The following XPA variants were observed in gnomAD, a reference collection of about 807,000 sequenced individuals.
XPA encodes XPA, DNA damage recognition and repair factor, also known as DNA repair protein complementing XP-A cells.
XPA carries 27 observed loss-of-function variants against 35.7 expected under a neutral mutation model. The ratio of observed to expected loss-of-function variants is 0.76; its 90% CI spans 0.56 to 1.04. The LOEUF is 1.04. Among genes scored for constraint, XPA ranks in the 50% least tolerant of loss-of-function variants. The pLI is 0.00. For synonymous variants in XPA, 133 were observed against 118.4 expected (o/e 1.12, Z -0.80); for missense variants, 354 against 342.7 (o/e 1.03, Z -0.26).
the XPA span, chr9:97,662,943 A>G: frequency 1.3e-6 from 2 of 1,591,496 alleles, no homozygotes; most frequent in Non-Finnish European, 1.7e-6. Context: ...TTTTCCCATC[A>G]TTATCAAAAG....
At chr9:97,657,953 AG>A in the XPA span, among the ~76,000 whole-genome samples, 6,267 of 133,034 alleles carry the variant, frequency 0.047, 206 homozygotes, top group Middle Eastern at 0.077. Flanking sequence ...TAACGTCCCC[AG>A]CCATTCATTG....
chr9:97,682,562 T>C (rs1828579581), intron 5 of XPA: 1 of 438,840 alleles, frequency 2.3e-6, no homozygotes, highest in South Asian at 1.7e-5. Flanking sequence ...AGTAAAACAT[T>C]TCTATTTACA....
At chr9:97,688,083 T>C (rs1258934821) in intron 3 of XPA, among the ~76,000 whole-genome samples, 1 of 152,182 alleles carries the variant, frequency 6.6e-6, no homozygotes, top group Non-Finnish European at 1.5e-5. Context: ...GACTATATGG[T>C]ACTAAAACTA....
rs142874921 is a variant in XPA, at chr9:97,686,386, G to A, written c.555+710C>T. Among the ~76,000 whole-genome samples the A allele has an allele frequency of 3.3e-3, 508 of 152,254 alleles. 1 individual carries two copies. The highest frequency in any genetic ancestry group is 0.012 in the African/African-American group (483 of 41,532). ...CATCTGCAGCAAGTGGAGTTGAGAC[G>A]ATCTGCTCTGAGATTATAGAGCTAT... On this transcript the variant is annotated intron_variant, in intron 4 of 5. Coordinates refer to ENST00000375128, the MANE Select transcript of XPA (RefSeq NM_000380.4).
At chr9:97,669,366 T>C in the XPA span, among the ~76,000 whole-genome samples, 3 of 152,216 alleles carry the variant, frequency 2.0e-5, no homozygotes, top group Admixed American at 2.0e-4. Context: ...CTAGGATAAG[T>C]AATTTAAGAC....
chr9:97,666,798 G>A, the XPA span: 6 of 1,608,004 alleles, frequency 3.7e-6, no homozygotes, highest in South Asian at 1.1e-5. Flanking sequence ...TCTACAATTC[G>A]TAAGATGAAC....
chr9:97,661,737 T>TTG, the XPA span, among the ~76,000 whole-genome samples: 39 of 151,248 alleles, frequency 2.6e-4, no homozygotes, highest in African/African-American at 9.5e-4. Context: ...TAAGTGTTTT[T>TTG]TTTTTTTTTT....
Position 97,675,214 on chromosome 9 carries a change from A to G in XPA, c.*225T>C. The G allele has an allele frequency of 1.5e-6, 1 of 647,878 alleles. No homozygotes were observed. Among genetic ancestry groups the G allele is most frequent in the South Asian group, 1.5e-5 (1 of 66,254 alleles). 40.1% of individuals were successfully genotyped at this position (647,878 alleles called of 1,614,324 possible). A position where few individuals can be genotyped will look rare whatever the true frequency, so the allele number is the denominator to read the frequency against. ...CTCAGCTCCCATCTCTGTTGTAAGAAGGCAATCACAGACATGACATTGTGC... is the reference window on the plus strand; with the variant it reads ...CTCAGCTCCCATCTCTGTTGTAAGAGGGCAATCACAGACATGACATTGTGC... On this transcript the variant is annotated 3_prime_UTR_variant, in exon 6 of 6. Transcript: ENST00000375128.
At chr9:97,665,354 C>T in the XPA span, among the ~76,000 whole-genome samples, 3 of 152,156 alleles carry the variant, frequency 2.0e-5, no homozygotes, top group Non-Finnish European at 2.9e-5. Context: ...TTATCCTTAC[C>T]GCATCACCGT....
intron 2 of XPA, among the ~76,000 whole-genome samples, chr9:97,693,050 CTT>C (rs201521443): frequency 3.1e-4 from 43 of 139,510 alleles, no homozygotes; most frequent in Middle Eastern, 4.0e-3. Context: ...TGGAATAGGT[CTT>C]TTTTTTTTTT....
chr9:97,675,612 C>G, intron 5 of XPA, 25 bp from the exon 6 acceptor site: 1 of 1,613,792 alleles, frequency 6.2e-7, no homozygotes. Flanking sequence ...TTAAAGTCAT[C>G]TTTTCAGTGG....
chr9:97,655,475 A>T, the XPA span, among the ~76,000 whole-genome samples: 1 of 152,228 alleles, frequency 6.6e-6, no homozygotes, highest in Admixed American at 6.5e-5. Context: ...AGAATTAAAT[A>T]ATAAACATGT....
downstream of XPA, chr9:97,672,576 C>T (rs2131375334): frequency 6.6e-6 from 1 of 152,258 alleles, no homozygotes; most frequent in South Asian, 2.1e-4. Context: ...TTTCCCATTG[C>T]TTAAGCACAG....
At chr9:97,688,537 T>G (rs1339011916) in intron 3 of XPA, among the ~76,000 whole-genome samples, 1 of 152,162 alleles carries the variant, frequency 6.6e-6, no homozygotes, top group African/African-American at 2.4e-5. Flanking sequence ...GGTACAAGAG[T>G]TGCTTCCATT....
At chr9:97,685,141 C>G (rs1828675740) in intron 4 of XPA, 101 bp from the exon 5 acceptor site, 1 of 838,062 alleles carries the variant, frequency 1.2e-6, no homozygotes, top group Admixed American at 2.4e-5. Context: ...TGATCTAACT[C>G]AAGTATAAAT....
At chr9:97,670,519 T>C (rs769469261), downstream of XPA, among the ~76,000 whole-genome samples, 2 of 151,488 alleles carry the variant, frequency 1.3e-5, no homozygotes, top group Non-Finnish European at 1.5e-5. Flanking sequence ...AGAAGAATGA[T>C]TAATGTAGAA....
chr9:97,680,326 A>C (rs576206249), intron 5 of XPA, among the ~76,000 whole-genome samples: 2 of 152,252 alleles, frequency 1.3e-5, no homozygotes, highest in East Asian at 3.9e-4. Context: ...CTCTTGCCTC[A>C]GCCTCCTGAG....
At chr9:97,661,054 A>G in the XPA span, 1 of 1,612,564 alleles carries the variant, frequency 6.2e-7, no homozygotes, top group Admixed American at 1.7e-5. Flanking sequence ...AATCCTAACC[A>G]GGATGATGAC....
chr9:97,667,053 A>G, the XPA span, among the ~76,000 whole-genome samples: 1 of 152,208 alleles, frequency 6.6e-6, no homozygotes, highest in Non-Finnish European at 1.5e-5. Context: ...AGGAGCAGGT[A>G]GTGTGTTGTG....
Sources: allele counts gnomAD v4.1 joint callset (sites outside exome capture counted in the v4.1 genomes callset), GRCh38; gene constraint gnomAD v4.1.1; transcripts MANE v1.5; gene names NCBI Gene and HGNC (gene_info 2026-07-23, HGNC 2026-07-21).